Variants in NEK10 observed in about 807,000 individuals in gnomAD.
NEK10 encodes NIMA related kinase 10, also known as serine/threonine-protein kinase Nek10.
Under a neutral mutation model 159.8 loss-of-function variants are expected in NEK10, and 122 were observed. The ratio of observed to expected loss-of-function variants is 0.76; its 90% CI spans 0.66 to 0.89. The LOEUF (loss-of-function observed/expected upper bound fraction) is 0.89. Among genes scored for constraint, NEK10 ranks in the 40% least tolerant of loss-of-function variants. The pLI, the probability that NEK10 is intolerant of heterozygous loss-of-function variation, is 0.00. For synonymous variants in NEK10, 466 were observed against 457.1 expected (o/e 1.02, Z -0.25); for missense variants, 1,342 against 1,323.1 (o/e 1.01, Z -0.22).
At chr3:27,321,735 G>T (rs1482158010) in intron 6 of NEK10, among the ~76,000 whole-genome samples, 1 of 152,118 alleles carries the variant, frequency 6.6e-6, no homozygotes, top group African/African-American at 2.4e-5. Context: ...TCTAGAGGTT[G>T]GGAAGGGATT....
chr3:27,225,989 T>C (rs1952597586), intron 23 of NEK10, among the ~76,000 whole-genome samples: 1 of 152,206 alleles, frequency 6.6e-6, no homozygotes, highest in African/African-American at 2.4e-5. Context: ...ATGTACACTG[T>C]ATGTCTACTT....
In NEK10 at chr3:27,145,359, A is replaced by G. The variant is rs992214482; in HGVS notation, c.2870-3777T>C. Among the ~76,000 whole-genome samples, 62 of 152,216 alleles carry G rather than the reference A, an allele frequency of 4.1e-4. 1 individual carries two copies. Among genetic ancestry groups the G allele is most frequent in the Admixed American group, 4.6e-4 (7 of 15,278 alleles). ...AATTTAAATAAAATCAAAGTTTAAAATATTGGGATACTTTGTATTCTTTTA... is the reference window on the plus strand; with the variant it reads ...AATTTAAATAAAATCAAAGTTTAAAGTATTGGGATACTTTGTATTCTTTTA... On this transcript the variant is annotated intron_variant, in intron 30 of 35. Coordinates refer to ENST00000691995, the MANE Select transcript of NEK10 (RefSeq NM_001394966.1).
chr3:27,134,724 T>C (rs574730274), intron 31 of NEK10, among the ~76,000 whole-genome samples: 1 of 152,340 alleles, frequency 6.6e-6, no homozygotes, highest in Admixed American at 6.5e-5. Flanking sequence ...CTATTGATCT[T>C]ACTGGAATAA....
intron 32 of NEK10, among the ~76,000 whole-genome samples, chr3:27,128,758 T>C (rs541168815): frequency 3.3e-5 from 5 of 152,218 alleles, no homozygotes; most frequent in East Asian, 1.9e-4. Context: ...CCTCTTCAAT[T>C]TGGCTCTTGA....
intron 30 of NEK10, among the ~76,000 whole-genome samples, chr3:27,155,979 T>C (rs1331728523): frequency 6.6e-6 from 1 of 151,890 alleles, no homozygotes; most frequent in South Asian, 2.1e-4. Context: ...AACCCAGAAG[T>C]AAACCCAAAT....
intron 26 of NEK10, among the ~76,000 whole-genome samples, chr3:27,175,711 G>A (rs907309658): frequency 1.3e-5 from 2 of 152,166 alleles, no homozygotes; most frequent in African/African-American, 4.8e-5. Context: ...TTTAGGCCGT[G>A]GGGCTAAACA....
Position 27,301,726 on chromosome 3 carries a change from T to C in NEK10, c.1138A>G (p.Ile380Val). 1.3e-6 allele frequency: 2 copies of C among 1,577,260 alleles called. No homozygotes were observed. Among genetic ancestry groups the C allele is most frequent in the Non-Finnish European group, 8.6e-7 (1 of 1,157,744 alleles). Reference protein sequence around the residue: ...HLSEDLSPREIQENTFSLQAA... With the variant: ...HLSEDLSPREVQENTFSLQAA... Reference sequence around the variant, plus strand: ...TGAAGTGAGAAAGTATTTTCTTGTATTTCCCTAGGGCTCAAGTCTTCTGAT... The same window carrying C: ...TGAAGTGAGAAAGTATTTTCTTGTACTTCCCTAGGGCTCAAGTCTTCTGAT... The change falls in exon 13 of 36, where the codon ATA becomes GTA. Residue 380 changes from isoleucine (I) to valine (V), a missense_variant. Transcript: ENST00000691995.
chr3:27,215,056 C>T (rs3099202), intron 23 of NEK10: 3 of 571,862 alleles, frequency 5.2e-6, no homozygotes, highest in Non-Finnish European at 6.5e-6. Context: ...TCCTCTTGGC[C>T]GGCTTCCCGC....
chr3:27,129,169 T>C (rs1344200891), intron 32 of NEK10, among the ~76,000 whole-genome samples: 1 of 152,096 alleles, frequency 6.6e-6, no homozygotes, highest in Non-Finnish European at 1.5e-5. Context: ...GCAGACTGGA[T>C]TGAAGACTAA....
chr3:27,124,279 C>T (rs1417847504), intron 32 of NEK10, among the ~76,000 whole-genome samples: 1 of 152,032 alleles, frequency 6.6e-6, no homozygotes, highest in Admixed American at 6.6e-5. Context: ...GATTGGAGAA[C>T]AAGAAGATCA....
intron 23 of NEK10, among the ~76,000 whole-genome samples, chr3:27,227,307 G>A (rs984650465): frequency 2.6e-5 from 4 of 152,186 alleles, no homozygotes; most frequent in South Asian, 2.1e-4. Context: ...ATGAGAAAAG[G>A]TCGGTTACAG....
intron 23 of NEK10, among the ~76,000 whole-genome samples, chr3:27,243,990 C>T (rs549318268): frequency 2.6e-5 from 4 of 152,138 alleles, no homozygotes; most frequent in African/African-American, 9.7e-5. Context: ...ATACACATCT[C>T]TCCTTCCCTT....
intron 23 of NEK10, among the ~76,000 whole-genome samples, chr3:27,208,376 A>G (rs1021330060): frequency 2.0e-5 from 3 of 152,232 alleles, no homozygotes; most frequent in African/African-American, 7.2e-5. Context: ...CCTACTTATT[A>G]TAAGCACTTA....
At chr3:27,290,928 C>G (rs1309093355) in intron 18 of NEK10, among the ~76,000 whole-genome samples, 174 bp from the exon 19 acceptor site, 1 of 124,108 alleles carries the variant, frequency 8.1e-6, no homozygotes, top group Non-Finnish European at 1.7e-5. Context: ...CTCAAAACAT[C>G]AAAACACTGG....
At chr3:27,183,366 G>A (rs1948314506) in intron 26 of NEK10, among the ~76,000 whole-genome samples, 1 of 148,628 alleles carries the variant, frequency 6.7e-6, no homozygotes. Flanking sequence ...TTAAAGAAGT[G>A]ATGCTGGAAA....
At chr3:27,208,555 T>G (rs1950726697) in intron 23 of NEK10, among the ~76,000 whole-genome samples, 1 of 152,128 alleles carries the variant, frequency 6.6e-6, no homozygotes, top group East Asian at 1.9e-4. Flanking sequence ...AATGAGAAGA[T>G]GAAAGCCACA....
intron 29 of NEK10, among the ~76,000 whole-genome samples, chr3:27,166,899 G>T (rs1482155553): frequency 2.0e-5 from 3 of 152,124 alleles, no homozygotes; most frequent in Non-Finnish European, 4.4e-5. Flanking sequence ...GGCCGAGGTT[G>T]CAGTGAGCTG....
intron 29 of NEK10, among the ~76,000 whole-genome samples, chr3:27,166,875 G>A (rs1024161854): frequency 3.3e-5 from 5 of 152,028 alleles, no homozygotes; most frequent in Admixed American, 2.0e-4. Flanking sequence ...CAGGAGAACC[G>A]CTGGAACCCA....
intron 29 of NEK10, among the ~76,000 whole-genome samples, chr3:27,170,843 G>A (rs2005158): frequency 0.05 from 7,593 of 152,070 alleles, 227 homozygotes; most frequent in Non-Finnish European, 0.06. Flanking sequence ...CAAAGAAGGC[G>A]TTGCCACTCA....
Sources: gnomAD v4.1 joint callset for allele counts (sites outside exome capture counted in the v4.1 genomes callset) on GRCh38, gnomAD v4.1.1 for gene constraint, MANE v1.5 for transcripts, NCBI Gene and HGNC (gene_info 2026-07-23, HGNC 2026-07-21) for gene names.